Variants in UNC13C observed in about 807,000 individuals in gnomAD.
The protein encoded by UNC13C is protein unc-13 homolog C.
Under a neutral mutation model 245.4 loss-of-function variants are expected in UNC13C, and 174 were observed. The observed-to-expected ratio is 0.71, with a 90% confidence interval of 0.63 to 0.80. The LOEUF is 0.80. Among genes scored for constraint, UNC13C ranks in the 30% least tolerant of loss-of-function variants. The probability of loss-of-function intolerance (pLI) is 0.00; values close to 1 mark genes in which losing one functional copy is unlikely to be tolerated. For synonymous variants in UNC13C, 992 were observed against 895.1 expected (o/e 1.11, Z -1.93); for missense variants, 2,829 against 2,602.9 (o/e 1.09, Z -1.89).
chr15:54,067,114 C>G (rs967646822), intron 2 of UNC13C, among the ~76,000 whole-genome samples: 1 of 152,112 alleles, frequency 6.6e-6, no homozygotes, highest in East Asian at 1.9e-4. Flanking sequence ...CTTCCCTATA[C>G]TCCTGTTTGG....
In UNC13C at chr15:53,983,019, A is replaced by G. The variant is rs545450510; in HGVS notation, c.-257+4092A>G. 7.4e-4 allele frequency among the ~76,000 whole-genome samples: 112 copies of G among 152,250 alleles called. 2 individuals carry two copies. Among genetic ancestry groups the G allele is most frequent in the African/African-American group, 2.6e-3 (110 of 41,552 alleles). On this transcript the variant is annotated intron_variant, in intron 1 of 32. Coordinates refer to ENST00000260323, the MANE Select transcript of UNC13C (RefSeq NM_001080534.3). ...TTAGAATTGAGTAAGAAATTTGTCA[A>G]CTTGTTTTCCTTCAGACAACAAGGC...
chr15:54,333,912 CTGGT>C (rs1567194980), intron 16 of UNC13C, 56 bp downstream of exon 16: 1 of 1,315,904 alleles, frequency 7.6e-7, no homozygotes, highest in African/African-American at 1.5e-5. Flanking sequence ...CATTCATCCC[CTGGT>C]AAAGTCTTGC....
chr15:54,176,870 T>A (rs2033633626), intron 4 of UNC13C, among the ~76,000 whole-genome samples: 1 of 152,078 alleles, frequency 6.6e-6, no homozygotes, highest in Non-Finnish European at 1.5e-5. Flanking sequence ...CTTATAATGC[T>A]ATAAAAGAAA....
At chr15:54,172,538 C>T (rs2033438900) in intron 4 of UNC13C, among the ~76,000 whole-genome samples, 1 of 150,664 alleles carries the variant, frequency 6.6e-6, no homozygotes, top group South Asian at 2.1e-4. Flanking sequence ...AGTAGTATAC[C>T]GTTGTATAAA....
intron 10 of UNC13C, among the ~76,000 whole-genome samples, chr15:54,267,824 C>T (rs190054918): frequency 2.2e-4 from 34 of 152,056 alleles, no homozygotes; most frequent in Non-Finnish European, 4.7e-4. Context: ...AATTTGGAAA[C>T]ATTTGGTCAT....
At chr15:54,050,606 C>A (rs1052181513) in intron 2 of UNC13C, 6 of 427,940 alleles carry the variant, frequency 1.4e-5, no homozygotes, top group South Asian at 2.0e-5. Flanking sequence ...ACTTGGAAAT[C>A]AAATTAAATT....
the UNC13C span, among the ~76,000 whole-genome samples, chr15:53,907,513 G>A: frequency 6.6e-6 from 1 of 152,128 alleles, no homozygotes; most frequent in Non-Finnish European, 1.5e-5. Context: ...TTTGCCCCAG[G>A]AATTGAGTAT....
chr15:53,995,996 G>A (rs1273400164), intron 1 of UNC13C, among the ~76,000 whole-genome samples: 1 of 152,080 alleles, frequency 6.6e-6, no homozygotes, highest in African/African-American at 2.4e-5. Context: ...TCATTTGTTT[G>A]TTTTTTGTTT....
the UNC13C span, among the ~76,000 whole-genome samples, chr15:53,884,884 T>C: frequency 6.6e-6 from 1 of 152,094 alleles, no homozygotes; most frequent in South Asian, 2.1e-4. Context: ...ACAAAACTGT[T>C]GAGAAAGATT....
intron 4 of UNC13C, among the ~76,000 whole-genome samples, chr15:54,204,194 C>T (rs549659540): frequency 3.3e-5 from 5 of 150,628 alleles, no homozygotes; most frequent in South Asian, 4.2e-4. Flanking sequence ...GTACAGTGTA[C>T]GCTGCTTGGG....
intron 2 of UNC13C, among the ~76,000 whole-genome samples, chr15:54,121,363 G>A (rs780335712): frequency 6.6e-6 from 1 of 152,008 alleles, no homozygotes; most frequent in African/African-American, 2.4e-5. Flanking sequence ...TTTAATTAAG[G>A]CATGCACATT....
rs1372118294 is a variant in UNC13C, at chr15:54,250,375, A to T, written c.3379A>T (p.Lys1127Ter). 1 of 1,613,926 alleles carries T rather than the reference A, an allele frequency of 6.2e-7. No homozygotes were observed. The highest frequency in any genetic ancestry group is 1.1e-5 in the South Asian group (1 of 91,080). ...GTGGGGCATTGCAAGGCAAGGCATGAAGTGTCTGGAGTGTGGAGTGAAATG... is the reference window on the plus strand; with the variant it reads ...GTGGGGCATTGCAAGGCAAGGCATGTAGTGTCTGGAGTGTGGAGTGAAATG... ...LLWGIARQGMKCLECGVKCHE... is the reference protein window; with the variant it reads ...LLWGIARQGM Residue 1127 changes from lysine (K) to a stop codon, truncating the protein, a stop_gained, in exon 8 of 33, where the codon AAG becomes TAG. Transcript: ENST00000260323. LOFTEE classifies it high-confidence loss of function.
chr15:53,900,448 A>G, the UNC13C span, among the ~76,000 whole-genome samples: 2 of 152,300 alleles, frequency 1.3e-5, no homozygotes, highest in East Asian at 3.9e-4. Flanking sequence ...TTTACTAGCC[A>G]TGGTGACAGA....
chr15:54,083,940 A>T (rs927599455), intron 2 of UNC13C, among the ~76,000 whole-genome samples: 20 of 152,124 alleles, frequency 1.3e-4, no homozygotes, highest in African/African-American at 4.6e-4. Flanking sequence ...CTCTGCGCGA[A>T]CTCGCTACCT....
intron 19 of UNC13C, among the ~76,000 whole-genome samples, chr15:54,430,986 C>A (rs1471314146): frequency 6.6e-6 from 1 of 151,746 alleles, no homozygotes; most frequent in Admixed American, 6.6e-5. Flanking sequence ...AAAACCTGGG[C>A]AGAAGATGGT....
chr15:54,228,063 T>C (rs987640615), intron 4 of UNC13C, among the ~76,000 whole-genome samples: 15 of 152,174 alleles, frequency 9.9e-5, no homozygotes, highest in Admixed American at 6.5e-4. Flanking sequence ...ACCTCAACCG[T>C]GCTACAAAGT....
intron 17 of UNC13C, among the ~76,000 whole-genome samples, chr15:54,380,243 T>C (rs973735013): frequency 1.3e-5 from 2 of 152,058 alleles, no homozygotes; most frequent in Non-Finnish European, 2.9e-5. Context: ...TTTTTGTCTT[T>C]CTGTGCCTGG....
chr15:54,332,005 T>C, intron 14 of UNC13C, 38 bp from the exon 15 acceptor site: 1 of 1,414,170 alleles, frequency 7.1e-7, no homozygotes, highest in Non-Finnish European at 9.7e-7. Flanking sequence ...GAGTGGTCAT[T>C]TATTTCCATT....
At chr15:54,384,030 C>T (rs897578343) in intron 17 of UNC13C, among the ~76,000 whole-genome samples, 1 of 152,102 alleles carries the variant, frequency 6.6e-6, no homozygotes, top group Admixed American at 6.6e-5. Flanking sequence ...AATGGAAAGA[C>T]ATTACTTGTT....
Sources: gnomAD v4.1 joint callset for allele counts (sites outside exome capture counted in the v4.1 genomes callset) on GRCh38, gnomAD v4.1.1 for gene constraint, MANE v1.5 for transcripts, NCBI Gene and HGNC (gene_info 2026-07-23, HGNC 2026-07-21) for gene names.